Variants in KCNQ1 observed in about 807,000 individuals in gnomAD.
KCNQ1 encodes the protein potassium voltage-gated channel subfamily KQT member 1.
A neutral mutation model predicts 72.4 loss-of-function variants in KCNQ1; 49 were observed. The observed-to-expected ratio is 0.68, with a 90% CI of 0.54 to 0.86. The LOEUF (loss-of-function observed/expected upper bound fraction) is 0.86, where lower values mean the gene tolerates loss of function less well. Ranked by LOEUF, KCNQ1 falls within the 40% of genes least tolerant of loss-of-function variation. KCNQ1 has a pLI of 0.00. For missense variants in KCNQ1, 790 were observed against 945.1 expected, an observed-to-expected ratio of 0.84 and a Z score of 2.15; for synonymous variants, 450 against 412.6, an observed-to-expected ratio of 1.09 and a Z score of -1.10.
rs946199692 is a variant in KCNQ1, at chr11:2,457,154, C to T, written c.386+11670C>T. Among the ~76,000 whole-genome samples the T allele has an allele frequency of 6.6e-6, 1 of 152,048 alleles. No individual in the cohort carries two copies. The highest frequency in any genetic ancestry group is 2.4e-5 in the African/African-American group (1 of 41,400). On this transcript the variant is annotated intron_variant, in intron 1 of 15. Transcript: ENST00000155840. The surrounding 1 kb of genome is among the most constrained non-coding windows in gnomAD (Gnocchi z 5.0). Reference sequence around the variant, plus strand: ...TTAAAAAGTCTCAAAACAACAGATGCTGGAGAGGCAGTAGAGAAAGGGGAA... The same window carrying T: ...TTAAAAAGTCTCAAAACAACAGATGTTGGAGAGGCAGTAGAGAAAGGGGAA...
At position 2,583,555 on chromosome 11, in the gene KCNQ1, C is replaced by A; in HGVS notation, c.1032+10C>A. The stretch of plus-strand genomic sequence containing the variant: ...CTTTGCGCTCCCAGCGGTAGGTGCC[C>A]CGTGGGTGCGTTTTCCCTGGCTCCT... On this transcript the variant is annotated intron_variant, in intron 7 of 15. Coordinates refer to ENST00000155840, the MANE Select transcript of KCNQ1 (RefSeq NM_000218.3). 1.3e-6 allele frequency: 2 copies of A among 1,596,210 alleles called. No homozygotes were observed. Among genetic ancestry groups the A allele is most frequent in the South Asian group, 2.2e-5 (2 of 90,764 alleles).
At chr11:2,753,742 C>T (rs1213780629) in intron 11 of KCNQ1, among the ~76,000 whole-genome samples, 1 of 152,198 alleles carries the variant, frequency 6.6e-6, no homozygotes, top group Non-Finnish European at 1.5e-5. Flanking sequence ...ACATCCTGCC[C>T]CTGGACCTTA....
In KCNQ1 at chr11:2,662,232, AG is replaced by A. The variant is rs1379232328; in HGVS notation, c.1514+153del. The stretch of plus-strand genomic sequence containing the variant: ...TGCCGTCTGCCTGGCCCCAACACGG[AG>A]GCACCAGGCAAGAGAGGAGAGCAAG... On this transcript the variant is annotated intron_variant, in intron 11 of 15. Transcript: ENST00000155840. The A allele has an allele frequency of 3.1e-6, 3 of 982,330 alleles. No homozygotes were observed. In the African/African-American group the frequency reaches 4.9e-5, roughly 16 times the overall value. 60.9% of individuals were successfully genotyped at this position (982,330 alleles called of 1,614,324 possible). A position where few individuals can be genotyped will look rare whatever the true frequency, so the allele number is the denominator to read the frequency against.
chr11:2,844,719 C>T (rs956498824), intron 15 of KCNQ1, among the ~76,000 whole-genome samples: 2 of 152,218 alleles, frequency 1.3e-5, no homozygotes, highest in East Asian at 3.8e-4. Context: ...CCCAAGAATC[C>T]CCTGTGAAGG....
Position 2,657,004 on chromosome 11 carries a change from G to A in KCNQ1, c.1394-4957G>A. On this transcript the variant is annotated intron_variant, in intron 10 of 15. Transcript: ENST00000155840. This position sits in a 1 kb window ranked among gnomAD's most constrained non-coding sequence, Gnocchi z 4.8. The stretch of plus-strand genomic sequence containing the variant: ...TCCATGCTCTTCCCAGGATGTGCAG[G>A]CCACCTCTGATACACAGCAAGCTTC... 2.5e-6 allele frequency: 1 copy of A among 398,582 alleles called. No individual in the cohort carries two copies. Among genetic ancestry groups the A allele is most frequent in the Non-Finnish European group, 4.4e-6 (1 of 226,042 alleles). 24.7% of individuals were successfully genotyped at this position (398,582 alleles called of 1,614,324 possible).
chr11:2,484,348 G>A lies in KCNQ1; in HGVS notation c.386+38864G>A, dbSNP rs1846700694. On this transcript the variant is annotated intron_variant, in intron 1 of 15. Coordinates refer to ENST00000155840, the MANE Select transcript of KCNQ1 (RefSeq NM_000218.3). The surrounding 1 kb of genome is among the most constrained non-coding windows in gnomAD (Gnocchi z 5.2). ...CCAACTAATATTTTGTATTTTTAGT[G>A]GAGACGGGGTTTCATCATGTTGGCC... 6.6e-6 allele frequency among the ~76,000 whole-genome samples: 1 copy of A among 152,020 alleles called. No homozygotes were observed. Among genetic ancestry groups the A allele is most frequent in the South Asian group, 2.1e-4 (1 of 4,826 alleles).
In KCNQ1 at chr11:2,544,860, A is replaced by G. The variant is rs1950630125; in HGVS notation, c.477+16842A>G. Among the ~76,000 whole-genome samples, 2 of 152,154 alleles carry G rather than the reference A, an allele frequency of 1.3e-5. No homozygotes were observed. Among genetic ancestry groups the G allele is most frequent in the Admixed American group, 1.3e-4 (2 of 15,276 alleles). On this transcript the variant is annotated intron_variant, in intron 2 of 15. Coordinates refer to ENST00000155840, the MANE Select transcript of KCNQ1 (RefSeq NM_000218.3). This position sits in a 1 kb window ranked among gnomAD's most constrained non-coding sequence, Gnocchi z 4.4. ...TCCACTGCAGTGTCCAATACAAGTGAACACTGCTGTGTCCCCAGCCTTAGA... is the reference window on the plus strand; with the variant it reads ...TCCACTGCAGTGTCCAATACAAGTGGACACTGCTGTGTCCCCAGCCTTAGA...
chr11:2,588,954 T>C lies in KCNQ1; in HGVS notation c.1393+100T>C. On this transcript the variant is annotated intron_variant, in intron 10 of 15. Transcript: ENST00000155840. The surrounding 1 kb of genome is among the most constrained non-coding windows in gnomAD (Gnocchi z 5.6). The stretch of plus-strand genomic sequence containing the variant: ...AGTGAGTTTCTCCCTTGGGCTGTGG[T>C]CTCTGACAACGAGGTATGAACAGAC... 1.4e-6 allele frequency: 2 copies of C among 1,401,858 alleles called. No homozygotes were observed. The highest frequency in any genetic ancestry group is 2.0e-6 in the Non-Finnish European group (2 of 1,014,604). The allele number at this position is 1,401,858 out of a possible 1,614,324, so 86.8% of individuals were successfully genotyped here. A position where few individuals can be genotyped will look rare whatever the true frequency, so the allele number is the denominator to read the frequency against.
chr11:2,455,386 C>T (rs114235788), intron 1 of KCNQ1, among the ~76,000 whole-genome samples: 4,433 of 152,250 alleles, frequency 0.029, 200 homozygotes, highest in African/African-American at 0.098. Flanking sequence ...CTTGAGCCAC[C>T]GTGCCTGGCC....
intron 2 of KCNQ1, among the ~76,000 whole-genome samples, chr11:2,561,599 T>C (rs149203324): frequency 6.6e-6 from 1 of 152,238 alleles, no homozygotes; most frequent in Non-Finnish European, 1.5e-5. Flanking sequence ...GAGCTGCTCG[T>C]CTGGGTCCCC....
Position 2,673,198 on chromosome 11 carries a change from G to C in KCNQ1, c.1514+11117G>C, listed in dbSNP as rs577482044. On this transcript the variant is annotated intron_variant, in intron 11 of 15. Transcript: ENST00000155840. The surrounding 1 kb of genome is among the most constrained non-coding windows in gnomAD (Gnocchi z 4.5). ...GGCCCTGGAGCCAAGGCCAAAAGCC[G>C]AACTGTGACTAGGCAAGCTGAGTCC... is the stretch of plus-strand genomic sequence containing the variant. The C allele has an allele frequency of 1.5e-5, 6 of 398,554 alleles. No individual in the cohort carries two copies. The Admixed American group carries it at 1.8e-4, about 12-fold the overall frequency. The allele number at this position is 398,554 out of a possible 1,614,324, so 24.7% of individuals were successfully genotyped here.
In KCNQ1 at chr11:2,808,922, T is replaced by C. The variant is rs201263218; in HGVS notation, c.1794+30885T>C. Among the ~76,000 whole-genome samples the C allele has an allele frequency of 6.6e-5, 10 of 150,772 alleles. No homozygotes were observed. The East Asian group carries it at 2.0e-3, about 30-fold the overall frequency. ...GTGGGTAGATGGGTGAATAGATGGG[T>C]GGACAGATGGAAGGATGGATGGATA... On this transcript the variant is annotated intron_variant, in intron 15 of 15. Coordinates refer to ENST00000155840, the MANE Select transcript of KCNQ1 (RefSeq NM_000218.3). The surrounding 1 kb of genome is among the most constrained non-coding windows in gnomAD (Gnocchi z 6.0).
chr11:2,587,004 C>T (rs1196669052), intron 8 of KCNQ1, among the ~76,000 whole-genome samples: 2 of 152,166 alleles, frequency 1.3e-5, no homozygotes, highest in African/African-American at 2.4e-5. Flanking sequence ...GAAATGCTGG[C>T]TTCAGAGCTG....
rs1050490627 is a variant in KCNQ1 at position 2,543,398 on chromosome 11, C to G, written c.477+15380C>G. ...CGAGGATCCTCCCACCTCAGCCTCC[C>G]AAGTAGCTGGGACTATAGGCATGTG... On this transcript the variant is annotated intron_variant, in intron 2 of 15. Coordinates refer to ENST00000155840, the MANE Select transcript of KCNQ1 (RefSeq NM_000218.3). This position sits in a 1 kb window ranked among gnomAD's most constrained non-coding sequence, Gnocchi z 5.6. Among the ~76,000 whole-genome samples, 4 of 152,104 alleles carry G rather than the reference C, an allele frequency of 2.6e-5. No individual in the cohort carries two copies. Among genetic ancestry groups the G allele is most frequent in the African/African-American group, 9.7e-5 (4 of 41,406 alleles).
At chr11:2,470,320 A>G (rs1351967237) in intron 1 of KCNQ1, among the ~76,000 whole-genome samples, 1 of 152,086 alleles carries the variant, frequency 6.6e-6, no homozygotes, top group Non-Finnish European at 1.5e-5. Context: ...TCATATTTAT[A>G]TGTTTTCTTG....
intron 11 of KCNQ1, among the ~76,000 whole-genome samples, chr11:2,742,484 CAT>C (rs1260782852): frequency 6.6e-6 from 1 of 152,234 alleles, no homozygotes; most frequent in East Asian, 1.9e-4. Context: ...TGTGCCCACT[CAT>C]GTGGTGGATT....
In KCNQ1 at chr11:2,659,188, T is replaced by C. The variant is rs1326683577; in HGVS notation, c.1394-2773T>C. 4 of 398,516 alleles carry C rather than the reference T, an allele frequency of 1.0e-5. No homozygotes were observed. Among genetic ancestry groups the C allele is most frequent in the African/African-American group, 8.2e-5 (4 of 48,636 alleles). The allele number at this position is 398,516 out of a possible 1,614,324, so 24.7% of individuals were successfully genotyped here. A position where few individuals can be genotyped will look rare whatever the true frequency, so the allele number is the denominator to read the frequency against. ...GTTTTGACAGATGTCTGGAGTCATG[T>C]GTCCACAATCCAGTATCATTCACAG... On this transcript the variant is annotated intron_variant, in intron 10 of 15. Coordinates refer to ENST00000155840, the MANE Select transcript of KCNQ1 (RefSeq NM_000218.3). The surrounding 1 kb of genome is among the most constrained non-coding windows in gnomAD (Gnocchi z 4.3).
At chr11:2,461,222 G>T (rs955767642) in intron 1 of KCNQ1, among the ~76,000 whole-genome samples, 4 of 151,956 alleles carry the variant, frequency 2.6e-5, no homozygotes, top group African/African-American at 9.7e-5. Flanking sequence ...CGGTCTGCAT[G>T]TGCAGGGCTG....
At position 2,682,825 on chromosome 11, in the gene KCNQ1, C is replaced by G; in HGVS notation, c.1514+20744C>G. ...TGACTTGCAGTGATCCTCCTGGGGC[C>G]TTGTATAGAAGAGACCATCTCAGTT... On this transcript the variant is annotated intron_variant, in intron 11 of 15. Coordinates refer to ENST00000155840, the MANE Select transcript of KCNQ1 (RefSeq NM_000218.3). This position sits in a 1 kb window ranked among gnomAD's most constrained non-coding sequence, Gnocchi z 5.8. 1 of 398,592 alleles carries G rather than the reference C, an allele frequency of 2.5e-6. No homozygotes were observed. 24.7% of individuals were successfully genotyped at this position (398,592 alleles called of 1,614,324 possible).
Sources: gnomAD v4.1 joint callset for allele counts (sites outside exome capture counted in the v4.1 genomes callset) on GRCh38, gnomAD v4.1.1 for gene constraint, Gnocchi (gnomAD v3.1) non-coding constraint, MANE v1.5 for transcripts, NCBI Gene and HGNC (gene_info 2026-07-23, HGNC 2026-07-21) for gene names.